RFX1: variants seen among roughly 807,000 people sequenced by gnomAD.
RFX1 encodes MHC class II regulatory factor RFX1.
Under a neutral mutation model 119.6 loss-of-function variants are expected in RFX1, and 42 were observed. That is an observed-to-expected ratio of 0.35 (90% CI 0.27 to 0.45). The LOEUF (loss-of-function observed/expected upper bound fraction) is 0.45, where lower values mean the gene tolerates loss of function less well. Ranked by LOEUF, RFX1 falls within the 20% of genes least tolerant of loss-of-function variation. The pLI is 1.00. For synonymous variants in RFX1, 628 were observed against 618.5 expected (o/e 1.02, Z -0.23); for missense variants, 1,118 against 1,368.1 (o/e 0.82, Z 2.88).
intron 2 of RFX1, among the ~76,000 whole-genome samples, chr19:13,988,251 T>C (rs1974677602): frequency 6.6e-6 from 1 of 150,540 alleles, no homozygotes; most frequent in African/African-American, 2.5e-5. Flanking sequence ...GGTCTTGAAC[T>C]CCTGACCTCA....
At chr19:13,972,197 CA>C (rs1974105483) in intron 9 of RFX1, among the ~76,000 whole-genome samples, 1 of 139,222 alleles carries the variant, frequency 7.2e-6, no homozygotes, top group South Asian at 2.2e-4. Context: ...AAGTAGACAA[CA>C]TTTTTTTTTT....
At position 13,980,489 on chromosome 19, in the gene RFX1, G is replaced by T; in HGVS notation, c.738+84C>A. 2.4e-6 allele frequency: 2 copies of T among 844,330 alleles called. No individual in the cohort carries two copies. Among genetic ancestry groups the T allele is most frequent in the Non-Finnish European group, 3.7e-6 (2 of 540,830 alleles). The allele number at this position is 844,330 out of a possible 1,614,324, so 52.3% of individuals were successfully genotyped here. ...GACCCACATGGGCTGGGCTCTAATA[G>T]GCCAGAGGCACAGCCGTGGGGGGCT... On this transcript the variant is annotated intron_variant, in intron 6 of 20. Transcript: ENST00000254325. This position sits in a 1 kb window ranked among gnomAD's most constrained non-coding sequence, Gnocchi z 5.1.
Position 13,968,685 on chromosome 19 carries a change from A to C in RFX1, c.1617-5T>G. The C allele has an allele frequency of 6.2e-7, 1 of 1,612,768 alleles. No individual in the cohort carries two copies. The highest frequency in any genetic ancestry group is 8.5e-7 in the Non-Finnish European group (1 of 1,179,792). ...ATCTTCTGGATGGGCTTGAGCCTGG[A>C]GTAGAATGGGCAGGTGGGCCGGCTG... On this transcript the variant is annotated splice_polypyrimidine_tract_variant and splice_region_variant and intron_variant, in intron 11 of 20. Coordinates refer to ENST00000254325, the MANE Select transcript of RFX1 (RefSeq NM_002918.5). This position sits in a 1 kb window ranked among gnomAD's most constrained non-coding sequence, Gnocchi z 5.5.
chr19:13,991,809 G>A lies in RFX1; in HGVS notation c.319+1716C>T, dbSNP rs141629460. ...CCTGAGTAGCTGGCATTACAGGTTCGCGCCACCACGCCCAGCTAATTTTTA... is the reference window on the plus strand; with the variant it reads ...CCTGAGTAGCTGGCATTACAGGTTCACGCCACCACGCCCAGCTAATTTTTA... On this transcript the variant is annotated intron_variant, in intron 2 of 20. Transcript: ENST00000254325. 9.8e-4 allele frequency among the ~76,000 whole-genome samples: 149 copies of A among 152,118 alleles called. 3 individuals are homozygous for A. In the East Asian group the frequency reaches 0.024, roughly 25 times the overall value.
In RFX1 at chr19:13,972,869, G is replaced by A. The variant is rs1036100272; in HGVS notation, c.1188C>T (p.Gly396=). Residue 396 remains glycine (G), a synonymous_variant, in exon 9 of 21, where the codon GGC becomes GGT. Coordinates refer to ENST00000254325, the MANE Select transcript of RFX1 (RefSeq NM_002918.5). ...GGGGGGGGGG[G]GGGSGSTGGG... is the part of the protein sequence containing the mutation. Reference sequence around the variant, plus strand: ...CTCCGGTGCTGCCACTGCCACCCCCGCCACCGCCTCCCCCGCCGCCGCCGC... The same window carrying A: ...CTCCGGTGCTGCCACTGCCACCCCCACCACCGCCTCCCCCGCCGCCGCCGC... 9.0e-6 allele frequency: 14 copies of A among 1,556,592 alleles called. No homozygotes were observed. In the African/African-American group the frequency reaches 1.1e-4, roughly 12 times the overall value.
chr19:13,990,140 G>C lies in RFX1; in HGVS notation c.319+3385C>G, dbSNP rs540588858. Among the ~76,000 whole-genome samples, 1 of 152,164 alleles carries C rather than the reference G, an allele frequency of 6.6e-6. No individual in the cohort carries two copies. Among genetic ancestry groups the C allele is most frequent in the Non-Finnish European group, 1.5e-5 (1 of 68,040 alleles). ...TGTGGGTAATGAGAGCTGGGACACA[G>C]GATGAGGCCATCGTTAAGGGAGAAC... On this transcript the variant is annotated intron_variant, in intron 2 of 20. Transcript: ENST00000254325. This position sits in a 1 kb window ranked among gnomAD's most constrained non-coding sequence, Gnocchi z 4.1.
At chr19:13,977,965 C>T (rs752332728) in intron 8 of RFX1, 27 bp downstream of exon 8, 2 of 1,572,590 alleles carry the variant, frequency 1.3e-6, no homozygotes, top group Admixed American at 3.4e-5. Flanking sequence ...ACCTGACTCC[C>T]TCACCCACCC....
chr19:13,962,546 T>C lies in RFX1; in HGVS notation c.*149A>G, dbSNP rs1339685673. 1.6e-6 allele frequency: 1 copy of C among 639,666 alleles called. No homozygotes were observed. The highest frequency in any genetic ancestry group is 2.6e-6 in the Non-Finnish European group (1 of 391,060). The allele number at this position is 639,666 out of a possible 1,614,324, so 39.6% of individuals were successfully genotyped here. A position where few individuals can be genotyped will look rare whatever the true frequency, so the allele number is the denominator to read the frequency against. On this transcript the variant is annotated 3_prime_UTR_variant, in exon 21 of 21. Transcript: ENST00000254325. Reference sequence around the variant, plus strand: ...CAGCCCACTGATTGTGCCGGCCCCATAAGGGAGGAGGGCCCCGGTCTTCCC... The same window carrying C: ...CAGCCCACTGATTGTGCCGGCCCCACAAGGGAGGAGGGCCCCGGTCTTCCC...
Position 13,966,279 on chromosome 19 carries a change from T to C in RFX1, c.1961+142A>G. 1.6e-6 allele frequency: 1 copy of C among 607,086 alleles called. No individual in the cohort carries two copies. Among genetic ancestry groups the C allele is most frequent in the Non-Finnish European group, 2.9e-6 (1 of 340,222 alleles). The allele number at this position is 607,086 out of a possible 1,614,324, so 37.6% of individuals were successfully genotyped here. A position where few individuals can be genotyped will look rare whatever the true frequency, so the allele number is the denominator to read the frequency against. ...CCGACTGTTGAGTGTCGGGTGGCTA[T>C]ACACACTCCACACAGCCAAGGATAT... is the stretch of plus-strand genomic sequence containing the variant. On this transcript the variant is annotated intron_variant, in intron 14 of 20. Transcript: ENST00000254325. This position sits in a 1 kb window ranked among gnomAD's most constrained non-coding sequence, Gnocchi z 6.3.
intron 1 of RFX1, among the ~76,000 whole-genome samples, chr19:14,003,006 A>AC (rs1309396429): frequency 6.6e-5 from 10 of 152,266 alleles, no homozygotes; most frequent in Middle Eastern, 3.4e-3. Context: ...GTGTTTTGAG[A>AC]CAGTCTTGCT....
rs998382574 is a variant in RFX1, at chr19:13,979,436, G to A, written c.834+11C>T. ...CCCTTTGCCCGTGGGGTAGGAGGGG[G>A]AGACACACACCTCTTGAGCCACGTG... On this transcript the variant is annotated intron_variant, in intron 7 of 20. Transcript: ENST00000254325. The A allele has an allele frequency of 2.6e-6, 4 of 1,553,032 alleles. No individual in the cohort carries two copies. Among genetic ancestry groups the A allele is most frequent in the African/African-American group, 2.7e-5 (2 of 72,888 alleles).
intron 16 of RFX1, 150 bp from the exon 17 acceptor site, chr19:13,964,157 T>C (rs1973818550): frequency 1.2e-6 from 1 of 836,780 alleles, no homozygotes; most frequent in African/African-American, 1.7e-5. Flanking sequence ...CACAGAAGGA[T>C]CGGGACCTTC....
rs961751291 is a variant in RFX1 at position 13,998,607 on chromosome 19, A to G, written c.-52-4712T>C. Among the ~76,000 whole-genome samples, 3 of 152,344 alleles carry G rather than the reference A, an allele frequency of 2.0e-5. No individual in the cohort carries two copies. The East Asian group carries it at 5.8e-4, about 29-fold the overall frequency. Reference sequence around the variant, plus strand: ...GCCAGGTTGGGACAGAGGAGGAAGGAGACAGGATCTTCAAGCTCTTGGGAG... The same window carrying G: ...GCCAGGTTGGGACAGAGGAGGAAGGGGACAGGATCTTCAAGCTCTTGGGAG... On this transcript the variant is annotated intron_variant, in intron 1 of 20. Coordinates refer to ENST00000254325, the MANE Select transcript of RFX1 (RefSeq NM_002918.5).
chr19:14,003,727 A>G (rs969638051), intron 1 of RFX1, among the ~76,000 whole-genome samples: 2 of 152,154 alleles, frequency 1.3e-5, no homozygotes, highest in African/African-American at 4.8e-5. Context: ...GAGGCCCAGA[A>G]AACTTAAGTA....
rs750200437 is a variant in RFX1, at chr19:13,966,391, T to G, written c.1961+30A>C. ...GCGGGTCATGCCCTCCTCCCCCCTCTCCCTCCCACAGTCGCCGGGCAGTAC... is the reference window on the plus strand; with the variant it reads ...GCGGGTCATGCCCTCCTCCCCCCTCGCCCTCCCACAGTCGCCGGGCAGTAC... On this transcript the variant is annotated intron_variant, in intron 14 of 20. Transcript: ENST00000254325. This position sits in a 1 kb window ranked among gnomAD's most constrained non-coding sequence, Gnocchi z 6.3. 1.4e-6 allele frequency: 2 copies of G among 1,448,078 alleles called. No individual in the cohort carries two copies. Among genetic ancestry groups the G allele is most frequent in the Non-Finnish European group, 1.9e-6 (2 of 1,030,572 alleles). 89.7% of individuals were successfully genotyped at this position (1,448,078 alleles called of 1,614,324 possible).
Position 13,962,608 on chromosome 19 carries a change from G to T in RFX1, c.*87C>A. The T allele has an allele frequency of 8.6e-7, 1 of 1,156,324 alleles. No homozygotes were observed. Among genetic ancestry groups the T allele is most frequent in the Non-Finnish European group, 1.2e-6 (1 of 846,200 alleles). 71.6% of individuals were successfully genotyped at this position (1,156,324 alleles called of 1,614,324 possible). ...CCCCCTCCCTGCCCTGGCTGAGGCT[G>T]GAGCAGTGACCACGAAGCCACAGAA... On this transcript the variant is annotated 3_prime_UTR_variant, in exon 21 of 21. Transcript: ENST00000254325.
At chr19:14,002,870 C>G (rs886333952) in intron 1 of RFX1, among the ~76,000 whole-genome samples, 1 of 152,182 alleles carries the variant, frequency 6.6e-6, no homozygotes. Context: ...GTGAGGACCT[C>G]GGCTCCAGAG....
intron 3 of RFX1, 51 bp downstream of exon 3, chr19:13,983,435 A>G (rs1599498596): frequency 2.1e-6 from 3 of 1,429,508 alleles, no homozygotes; most frequent in African/African-American, 1.4e-5. Flanking sequence ...CGCAGCCTGC[A>G]CTGCCCCCCT....
rs1306295102 is a variant in RFX1 at position 13,986,921 on chromosome 19, C to T, written c.320-3326G>A. ...GCCACCTGACCCTCTGCCTCCTGCC[C>T]CTGGGCTCCCTGGGATGATGTCAGT... On this transcript the variant is annotated intron_variant, in intron 2 of 20. Transcript: ENST00000254325. The surrounding 1 kb of genome is among the most constrained non-coding windows in gnomAD (Gnocchi z 4.2). Among the ~76,000 whole-genome samples the T allele has an allele frequency of 1.3e-5, 2 of 152,254 alleles. No individual in the cohort carries two copies. The highest frequency in any genetic ancestry group is 3.9e-4 in the East Asian group (2 of 5,182).
Sources: allele counts gnomAD v4.1 joint callset (sites outside exome capture counted in the v4.1 genomes callset), GRCh38; gene constraint gnomAD v4.1.1; non-coding constraint Gnocchi (gnomAD v3.1); transcripts MANE v1.5; gene names NCBI Gene and HGNC (gene_info 2026-07-23, HGNC 2026-07-21).